Variants in TASP1 observed in about 807,000 individuals in gnomAD.
TASP1 encodes the protein taspase 1.
Under a neutral mutation model 56.6 loss-of-function variants are expected in TASP1, and 16 were observed. The ratio of observed to expected loss-of-function variants is 0.28; its 90% confidence interval spans 0.19 to 0.43. The LOEUF is 0.43. TASP1 is among the 20% of genes least tolerant of loss of function. The pLI, the probability that TASP1 is intolerant of heterozygous loss-of-function variation, is 1.00. For synonymous variants in TASP1, 179 were observed against 184.2 expected (o/e 0.97, Z 0.23); for missense variants, 393 against 511.6 (o/e 0.77, Z 2.24).
intron 10 of TASP1, among the ~76,000 whole-genome samples, chr20:13,493,981 T>C (rs184253501): frequency 6.6e-6 from 1 of 152,298 alleles, no homozygotes; most frequent in Admixed American, 6.5e-5. Context: ...GTAAAAGTGG[T>C]ATTCTTATCT....
chr20:13,154,091 G>T, the TASP1 span: 1 of 1,614,148 alleles, frequency 6.2e-7, no homozygotes, highest in East Asian at 2.2e-5. Context: ...ATGGCAATGA[G>T]AATGCTTCTG....
At chr20:13,288,443 G>T in the TASP1 span, 31 of 1,312,034 alleles carry the variant, frequency 2.4e-5, no homozygotes, top group Non-Finnish European at 3.1e-5. Flanking sequence ...CTCCCACAGC[G>T]AGAAGGATAG....
the TASP1 span, among the ~76,000 whole-genome samples, chr20:13,215,322 G>T: frequency 6.6e-6 from 1 of 152,152 alleles, no homozygotes; most frequent in Non-Finnish European, 1.5e-5. Context: ...TGACCAAATA[G>T]TTTGTTCTCT....
the TASP1 span, among the ~76,000 whole-genome samples, chr20:13,291,974 C>T: frequency 6.6e-6 from 1 of 152,170 alleles, no homozygotes; most frequent in Non-Finnish European, 1.5e-5. Context: ...CCCAAGGTCA[C>T]GTGGCTAGTA....
intron 10 of TASP1, among the ~76,000 whole-genome samples, chr20:13,512,927 T>C (rs901678857): frequency 6.6e-6 from 1 of 152,218 alleles, no homozygotes; most frequent in Non-Finnish European, 1.5e-5. Flanking sequence ...TGTGATATTA[T>C]TTCTGAGGGC....
chr20:13,242,471 A>G, the TASP1 span, among the ~76,000 whole-genome samples: 1 of 152,212 alleles, frequency 6.6e-6, no homozygotes. Flanking sequence ...GAGAAGTGGA[A>G]AATGAGAGAT....
At chr20:13,314,511 A>G in the TASP1 span, among the ~76,000 whole-genome samples, 1 of 151,994 alleles carries the variant, frequency 6.6e-6, no homozygotes, top group Non-Finnish European at 1.5e-5. Context: ...AACCACCTAG[A>G]TCCTGTGCCC....
chr20:13,213,566 T>C, the TASP1 span, among the ~76,000 whole-genome samples: 3 of 152,176 alleles, frequency 2.0e-5, no homozygotes, highest in Non-Finnish European at 2.9e-5. Flanking sequence ...TTGGATGATG[T>C]TGACAAACAA....
chr20:13,557,570 TGG>T (rs1568579170), intron 8 of TASP1, among the ~76,000 whole-genome samples: 1 of 147,904 alleles, frequency 6.8e-6, no homozygotes, highest in African/African-American at 2.5e-5. Flanking sequence ...ACGATGTTTT[TGG>T]TTTTTTTTTT....
At chr20:13,292,582 G>C in the TASP1 span, 1 of 677,612 alleles carries the variant, frequency 1.5e-6, no homozygotes, top group African/African-American at 1.8e-5. Flanking sequence ...CTGGGGTCCA[G>C]TGCTCCCAGC....
intron 13 of TASP1, among the ~76,000 whole-genome samples, chr20:13,410,251 A>G (rs1268599023): frequency 1.3e-5 from 2 of 152,204 alleles, no homozygotes; most frequent in African/African-American, 2.4e-5. Context: ...TTGATTCTAT[A>G]TACTTGCTAT....
At chr20:13,534,231 A>C in intron 8 of TASP1, 90 bp from the exon 9 acceptor site, 6 of 1,431,328 alleles carry the variant, frequency 4.2e-6, no homozygotes, top group Non-Finnish European at 5.6e-6. Context: ...CAATCATGAC[A>C]GAACAAAATC....
chr20:13,583,966 T>A (rs1018444152), intron 5 of TASP1, among the ~76,000 whole-genome samples: 7 of 152,012 alleles, frequency 4.6e-5, no homozygotes, highest in Non-Finnish European at 1.0e-4. Flanking sequence ...GTTATCCCAG[T>A]TACTCAGGAG....
chr20:13,208,322 T>C, the TASP1 span, among the ~76,000 whole-genome samples: 1 of 152,194 alleles, frequency 6.6e-6, no homozygotes. Context: ...CAGTTTTTCT[T>C]TTTTCCTTTA....
At chr20:13,365,493 C>A in the TASP1 span, among the ~76,000 whole-genome samples, 1 of 152,174 alleles carries the variant, frequency 6.6e-6, no homozygotes, top group Admixed American at 6.5e-5. Flanking sequence ...GATGTGTCAT[C>A]AAAGGCCTGT....
At chr20:13,586,350 T>TA (rs2047306286) in intron 5 of TASP1, among the ~76,000 whole-genome samples, 2 of 151,980 alleles carry the variant, frequency 1.3e-5, no homozygotes, top group Non-Finnish European at 2.9e-5. Flanking sequence ...TACTAAGTGG[T>TA]AAAAAATAAA....
At chr20:13,266,576 T>A in the TASP1 span, among the ~76,000 whole-genome samples, 2 of 152,216 alleles carry the variant, frequency 1.3e-5, no homozygotes, top group South Asian at 4.1e-4. Context: ...TTGTCGATGT[T>A]AACTCATAGA....
intron 11 of TASP1, among the ~76,000 whole-genome samples, chr20:13,448,114 T>C (rs541714192): frequency 1.3e-5 from 2 of 152,274 alleles, no homozygotes; most frequent in African/African-American, 4.8e-5. Context: ...CAATTTTTAA[T>C]TTTAGAACTT....
chr20:13,177,363 C>A, the TASP1 span, among the ~76,000 whole-genome samples: 1 of 152,038 alleles, frequency 6.6e-6, no homozygotes, highest in Non-Finnish European at 1.5e-5. Flanking sequence ...AGAGTCAATG[C>A]AATCTCTATC....
Sources: allele counts gnomAD v4.1 joint callset (sites outside exome capture counted in the v4.1 genomes callset), GRCh38; gene constraint gnomAD v4.1.1; transcripts MANE v1.5; gene names NCBI Gene and HGNC (gene_info 2026-07-23, HGNC 2026-07-21).